Variants in WDR72 observed in about 807,000 individuals in gnomAD.
WDR72 encodes WD repeat-containing protein 72.
A neutral mutation model predicts 124.2 loss-of-function variants in WDR72; 120 were observed. The observed-to-expected ratio is 0.97, with a 90% CI of 0.83 to 1.12. WDR72 has a LOEUF of 1.12. WDR72 is among the 50% of genes most tolerant of loss of function. The pLI is 0.00. For missense variants in WDR72, 1,387 were observed against 1,278.8 expected (o/e 1.08, Z -1.29); for synonymous variants, 452 against 441.7 (o/e 1.02, Z -0.29).
chr15:53,597,008 A>G (rs1221189985), intron 18 of WDR72, 71 bp downstream of exon 18: 2 of 1,461,888 alleles, frequency 1.4e-6, no homozygotes, highest in Non-Finnish European at 1.9e-6. Context: ...CAGTTGCACC[A>G]CCATAAGTTG....
At chr15:53,710,335 GTGTA>G (rs2017497123) in intron 9 of WDR72, among the ~76,000 whole-genome samples, 2 of 151,844 alleles carry the variant, frequency 1.3e-5, no homozygotes, top group South Asian at 2.1e-4. Context: ...TGTGGTGTGT[GTGTA>G]TGTGTTTGTA....
intron 14 of WDR72, among the ~76,000 whole-genome samples, chr15:53,632,241 T>C (rs2014457176): frequency 6.6e-6 from 1 of 152,038 alleles, no homozygotes; most frequent in South Asian, 2.1e-4. Flanking sequence ...CCAGCACCAG[T>C]TGTGGCTCAA....
intron 14 of WDR72, among the ~76,000 whole-genome samples, chr15:53,649,493 T>A (rs1459724305): frequency 6.6e-6 from 1 of 152,130 alleles, no homozygotes; most frequent in Non-Finnish European, 1.5e-5. Flanking sequence ...CTATCTTAAG[T>A]CTGTATTGGT....
At chr15:53,547,964 A>G (rs1893557136) in intron 18 of WDR72, among the ~76,000 whole-genome samples, 1 of 152,196 alleles carries the variant, frequency 6.6e-6, no homozygotes, top group Non-Finnish European at 1.5e-5. Flanking sequence ...AAAAAAAGAA[A>G]TGTTGCTGAT....
chr15:53,524,602 C>T (rs1892000982), intron 18 of WDR72, among the ~76,000 whole-genome samples: 1 of 152,030 alleles, frequency 6.6e-6, no homozygotes, highest in Non-Finnish European at 1.5e-5. Flanking sequence ...ACCACACGGA[C>T]AAACTTTAGA....
intron 14 of WDR72, among the ~76,000 whole-genome samples, chr15:53,618,262 A>G (rs1169382090): frequency 6.6e-6 from 1 of 151,766 alleles, no homozygotes; most frequent in Non-Finnish European, 1.5e-5. Flanking sequence ...GACCTACTTA[A>G]TTTTGCATGT....
At chr15:53,629,755 C>A (rs1595805460) in intron 14 of WDR72, among the ~76,000 whole-genome samples, 1 of 151,688 alleles carries the variant, frequency 6.6e-6, no homozygotes, top group South Asian at 2.1e-4. Context: ...CTCATTGCCC[C>A]TCTCTAGCTC....
At chr15:53,696,423 T>C (rs1354886685) in intron 13 of WDR72, among the ~76,000 whole-genome samples, 2 of 152,178 alleles carry the variant, frequency 1.3e-5, no homozygotes, top group East Asian at 3.9e-4. Context: ...CTAAGAGCCA[T>C]AACTGGCCAA....
chr15:53,651,076 G>T (rs1211328759), intron 14 of WDR72, among the ~76,000 whole-genome samples: 1 of 151,784 alleles, frequency 6.6e-6, no homozygotes, highest in African/African-American at 2.4e-5. Context: ...TTTCAATATT[G>T]ACTCTTAATG....
intron 15 of WDR72, among the ~76,000 whole-genome samples, chr15:53,614,943 TA>T (rs2013693789): frequency 6.6e-6 from 1 of 152,028 alleles, no homozygotes; most frequent in Non-Finnish European, 1.5e-5. Flanking sequence ...TGCCAAAATA[TA>T]AAATAAATGG....
At chr15:53,652,575 T>C (rs768694270) in intron 14 of WDR72, among the ~76,000 whole-genome samples, 85 of 152,120 alleles carry the variant, frequency 5.6e-4, no homozygotes, top group Non-Finnish European at 1.1e-3. Context: ...GTTGATTAGA[T>C]TGTTGCTGGC....
At chr15:53,566,977 T>A (rs1048561559) in intron 18 of WDR72, among the ~76,000 whole-genome samples, 5 of 151,852 alleles carry the variant, frequency 3.3e-5, no homozygotes, top group African/African-American at 1.2e-4. Flanking sequence ...TAAACTCTAA[T>A]AACCATGCAG....
At chr15:53,739,894 G>A (rs1055185139) in intron 1 of WDR72, among the ~76,000 whole-genome samples, 3 of 152,116 alleles carry the variant, frequency 2.0e-5, no homozygotes, top group African/African-American at 7.2e-5. Flanking sequence ...CCAAGGACTT[G>A]TGTCATTTTT....
At chr15:53,554,804 C>T (rs1227916460) in intron 18 of WDR72, among the ~76,000 whole-genome samples, 2 of 152,154 alleles carry the variant, frequency 1.3e-5, no homozygotes, top group African/African-American at 2.4e-5. Context: ...TTTATTTTTA[C>T]ATAACCTCAC....
intron 14 of WDR72, among the ~76,000 whole-genome samples, chr15:53,648,416 C>T (rs917697943): frequency 2.0e-4 from 31 of 152,098 alleles, no homozygotes; most frequent in African/African-American, 6.8e-4. Flanking sequence ...AACACCTTTG[C>T]TTCCCAAACT....
chr15:53,690,451 C>T (rs1411624660), intron 13 of WDR72, among the ~76,000 whole-genome samples: 2 of 152,110 alleles, frequency 1.3e-5, no homozygotes, highest in African/African-American at 4.8e-5. Context: ...CTCCCACAAC[C>T]ACATCTCCTG....
chr15:53,523,231 C>G lies in WDR72; in HGVS notation c.3240G>C (p.Glu1080Asp). 2 of 1,613,072 alleles carry G rather than the reference C, an allele frequency of 1.2e-6. No individual in the cohort carries two copies. The highest frequency in any genetic ancestry group is 8.5e-7 in the Non-Finnish European group (1 of 1,179,326). The change falls in exon 19 of 20, where the codon GAG (glutamate) becomes GAC (aspartate). Residue 1080 changes from glutamate to aspartate, a missense_variant. Transcript: ENST00000360509. ...EDMPDRCALE[E>D]SESPGEPRHH... ...AATGGCTTTCACCTGGACTCTCAGACTCTTCCAAGGCACATCTGTCAGGCA... is the reference window on the plus strand; with the variant it reads ...AATGGCTTTCACCTGGACTCTCAGAGTCTTCCAAGGCACATCTGTCAGGCA...
chr15:53,703,194 G>A (rs920545082), intron 11 of WDR72, among the ~76,000 whole-genome samples: 13 of 152,068 alleles, frequency 8.5e-5, no homozygotes, highest in South Asian at 2.1e-4. Context: ...GATTACAGGC[G>A]GTAGCCACCG....
intron 19 of WDR72, among the ~76,000 whole-genome samples, chr15:53,520,027 A>G (rs953837032): frequency 3.3e-5 from 5 of 152,098 alleles, no homozygotes; most frequent in African/African-American, 1.2e-4. Flanking sequence ...AACTCTATCA[A>G]CATCTAAATA....
Sources: gnomAD v4.1 joint callset for allele counts (sites outside exome capture counted in the v4.1 genomes callset) on GRCh38, gnomAD v4.1.1 for gene constraint, MANE v1.5 for transcripts, NCBI Gene and HGNC (gene_info 2026-07-23, HGNC 2026-07-21) for gene names.